The following SLCO5A1 variants were observed in gnomAD, a reference collection of about 807,000 sequenced individuals.
SLCO5A1 encodes solute carrier organic anion transporter family member 5A1.
Under a neutral mutation model 65.1 loss-of-function variants are expected in SLCO5A1, and 39 were observed. The observed-to-expected ratio is 0.60, with a 90% CI of 0.46 to 0.78. The LOEUF (loss-of-function observed/expected upper bound fraction) is 0.78. Ranked by LOEUF, SLCO5A1 falls within the 30% of genes least tolerant of loss-of-function variation. The pLI, the probability that SLCO5A1 is intolerant of heterozygous loss-of-function variation, is 0.00. For missense variants in SLCO5A1, 1,029 were observed against 1,069.4 expected, an observed-to-expected ratio of 0.96 and a Z score of 0.53; for synonymous variants, 438 against 415.7, an observed-to-expected ratio of 1.05 and a Z score of -0.65.
intron 2 of SLCO5A1, among the ~76,000 whole-genome samples, chr8:69,785,232 A>G (rs1819004187): frequency 6.6e-6 from 1 of 152,208 alleles, no homozygotes. Context: ...GGAGGCAAAA[A>G]GGGGGTGGAG....
chr8:69,728,681 T>C (rs1257258827), intron 5 of SLCO5A1, among the ~76,000 whole-genome samples: 1 of 151,952 alleles, frequency 6.6e-6, no homozygotes, highest in African/African-American at 2.4e-5. Flanking sequence ...GAGAATTGGT[T>C]TGAAATTATT....
At chr8:69,812,375 G>A (rs1054690737) in intron 2 of SLCO5A1, among the ~76,000 whole-genome samples, 2 of 152,172 alleles carry the variant, frequency 1.3e-5, no homozygotes, top group Non-Finnish European at 1.5e-5. Context: ...GAAAGATTAC[G>A]TGATCTGGTC....
At chr8:69,677,970 C>A (rs1813616798) in intron 8 of SLCO5A1, among the ~76,000 whole-genome samples, 1 of 152,140 alleles carries the variant, frequency 6.6e-6, no homozygotes, top group Non-Finnish European at 1.5e-5. Flanking sequence ...CTGCCCAGAC[C>A]CATGGGTGAG....
rs148595308 is a variant in SLCO5A1, at chr8:69,673,251, A to C, written c.2165T>G (p.Val722Gly). 1 of 1,614,256 alleles carries C rather than the reference A, an allele frequency of 6.2e-7. No homozygotes were observed. The highest frequency in any genetic ancestry group is 8.5e-7 in the Non-Finnish European group (1 of 1,180,044). ...TCMLWQQECGVQGSCWEYNVT... is the reference protein window; with the variant it reads ...TCMLWQQECGGQGSCWEYNVT... ...GTTGTACTCCCAGCAAGAACCCTGC[A>C]CACCACATTCCTGTTGCCAGAGCAT... Residue 722 changes from valine (V) to glycine (G), a missense_variant, in exon 10 of 10, where the codon GTG becomes GGG. Coordinates refer to ENST00000260126, the MANE Select transcript of SLCO5A1 (RefSeq NM_030958.3).
chr8:69,776,533 T>C (rs980157425), intron 2 of SLCO5A1, among the ~76,000 whole-genome samples: 6 of 151,886 alleles, frequency 4.0e-5, no homozygotes, highest in Non-Finnish European at 8.8e-5. Flanking sequence ...CTACAAAAAA[T>C]ACAAAAATTA....
At chr8:69,793,084 C>A (rs1186165425) in intron 2 of SLCO5A1, among the ~76,000 whole-genome samples, 1 of 151,936 alleles carries the variant, frequency 6.6e-6, no homozygotes, top group Non-Finnish European at 1.5e-5. Context: ...TGGGTTCAAG[C>A]GATTTTCCTG....
chr8:69,762,438 G>A (rs944693067), intron 2 of SLCO5A1, among the ~76,000 whole-genome samples: 3 of 151,746 alleles, frequency 2.0e-5, no homozygotes, highest in South Asian at 2.1e-4. Flanking sequence ...CACCTGCCTC[G>A]GCCTCCCAAA....
intron 2 of SLCO5A1, among the ~76,000 whole-genome samples, chr8:69,827,700 C>G (rs1032293635): frequency 6.6e-6 from 1 of 152,034 alleles, no homozygotes; most frequent in Non-Finnish European, 1.5e-5. Flanking sequence ...TGCAATAGAA[C>G]AGCTTTATGA....
chr8:69,789,945 C>A (rs1467282342), intron 2 of SLCO5A1, among the ~76,000 whole-genome samples: 1 of 152,084 alleles, frequency 6.6e-6, no homozygotes, highest in Non-Finnish European at 1.5e-5. Context: ...GTAATCCCAG[C>A]ACTTTGGGAG....
At chr8:69,684,926 C>T (rs545517864) in intron 6 of SLCO5A1, among the ~76,000 whole-genome samples, 3 of 152,284 alleles carry the variant, frequency 2.0e-5, no homozygotes, top group Admixed American at 1.3e-4. Context: ...GAGGATGAGA[C>T]ACTCTGTTCT....
chr8:69,678,626 C>A (rs970136576), intron 8 of SLCO5A1, among the ~76,000 whole-genome samples: 4 of 152,118 alleles, frequency 2.6e-5, no homozygotes, highest in Non-Finnish European at 4.4e-5. Flanking sequence ...CCCTCTTCCT[C>A]CCCTGTTCAT....
intron 2 of SLCO5A1, among the ~76,000 whole-genome samples, chr8:69,780,019 C>A (rs1236960372): frequency 1.3e-5 from 2 of 151,588 alleles, no homozygotes; most frequent in Non-Finnish European, 2.9e-5. Flanking sequence ...CAACAGAAGG[C>A]ATATAAATGG....
chr8:69,804,334 G>T (rs184895058), intron 2 of SLCO5A1, among the ~76,000 whole-genome samples: 3 of 151,940 alleles, frequency 2.0e-5, no homozygotes, highest in African/African-American at 4.8e-5. Context: ...TTTTTAGAAG[G>T]AGTCTCACTC....
Position 69,667,980 on chromosome 8 carries a change from C to T in SLCO5A1, c.*4889G>A, listed in dbSNP as rs1360287963. ...CATGCAGCCACTTAGCAGTGAAATACTGTGAATTCAGTGGCGCTTTTTAGT... is the reference window on the plus strand; with the variant it reads ...CATGCAGCCACTTAGCAGTGAAATATTGTGAATTCAGTGGCGCTTTTTAGT... On this transcript the variant is annotated 3_prime_UTR_variant, in exon 10 of 10. Transcript: ENST00000260126. The T allele has an allele frequency of 6.6e-6, 1 of 152,236 alleles. No homozygotes were observed. The highest frequency in any genetic ancestry group is 1.5e-5 in the Non-Finnish European group (1 of 68,042). 9.4% of individuals were successfully genotyped at this position (152,236 alleles called of 1,614,324 possible).
At position 69,667,988 on chromosome 8, in the gene SLCO5A1, T is replaced by C. The variant is rs1813230013; in HGVS notation, c.*4881A>G. 1 of 152,256 alleles carries C rather than the reference T, an allele frequency of 6.6e-6. No individual in the cohort carries two copies. The highest frequency in any genetic ancestry group is 6.5e-5 in the Admixed American group (1 of 15,288). 9.4% of individuals were successfully genotyped at this position (152,256 alleles called of 1,614,324 possible). A position where few individuals can be genotyped will look rare whatever the true frequency, so the allele number is the denominator to read the frequency against. ...CACTTAGCAGTGAAATACTGTGAAT[T>C]CAGTGGCGCTTTTTAGTGGTGAACA... On this transcript the variant is annotated 3_prime_UTR_variant, in exon 10 of 10. Transcript: ENST00000260126.
chr8:69,734,483 C>T (rs755014165), intron 5 of SLCO5A1, among the ~76,000 whole-genome samples: 1 of 152,210 alleles, frequency 6.6e-6, no homozygotes, highest in African/African-American at 2.4e-5. Flanking sequence ...TTTATTTAGA[C>T]AGCTTTTTCT....
intron 6 of SLCO5A1, among the ~76,000 whole-genome samples, chr8:69,688,745 C>T (rs888771394): frequency 3.9e-5 from 6 of 152,130 alleles, no homozygotes; most frequent in Non-Finnish European, 8.8e-5. Flanking sequence ...CATTGTTGGA[C>T]ATTTGGGTTG....
chr8:69,746,614 G>A (rs1817039577), intron 4 of SLCO5A1, among the ~76,000 whole-genome samples: 1 of 152,148 alleles, frequency 6.6e-6, no homozygotes, highest in Non-Finnish European at 1.5e-5. Context: ...TTGCCTTGAG[G>A]GCATAGGAAA....
chr8:69,682,366 C>G (rs370244517), intron 6 of SLCO5A1, 23 bp from the exon 7 acceptor site: 1 of 1,529,828 alleles, frequency 6.5e-7, no homozygotes, highest in African/African-American at 1.4e-5. Flanking sequence ...AGAAGCAGAT[C>G]ATGAGCAACA....
Sources: gnomAD v4.1 joint callset for allele counts (sites outside exome capture counted in the v4.1 genomes callset) on GRCh38, gnomAD v4.1.1 for gene constraint, MANE v1.5 for transcripts, NCBI Gene and HGNC (gene_info 2026-07-23, HGNC 2026-07-21) for gene names.